Variants in ENO2 observed in about 807,000 individuals in gnomAD.
The protein encoded by ENO2 is enolase 2.
In ENO2, 19 loss-of-function variants were observed where a neutral mutation model predicts 48.7. The observed-to-expected ratio is 0.39, with a 90% CI of 0.27 to 0.57. The LOEUF (loss-of-function observed/expected upper bound fraction) is 0.57. Among genes scored for constraint, ENO2 ranks in the 20% least tolerant of loss-of-function variants. ENO2 has a pLI of 0.58. For missense variants in ENO2, 416 were observed against 555.0 expected (o/e 0.75, Z 2.52); for synonymous variants, 198 against 213.4 (o/e 0.93, Z 0.63).
intron 1 of ENO2, chr12:6,915,547 A>C: frequency 2.4e-6 from 1 of 413,876 alleles, no homozygotes. Flanking sequence ...TCCCCTCCTC[A>C]CTGCAGTGTT....
chr12:6,917,696 C>T lies in ENO2; in HGVS notation c.426C>T (p.Asp142=), dbSNP rs782318226. 184 of 1,609,562 alleles carry T rather than the reference C, an allele frequency of 1.1e-4. 2 individuals carry two copies. In the South Asian group the frequency reaches 1.9e-3, roughly 16 times the overall value. The change falls in exon 6 of 12, where the codon GAC becomes GAT. Residue 142 remains aspartate (D), a synonymous_variant. Coordinates refer to ENST00000229277, the MANE Select transcript of ENO2 (RefSeq NM_001975.3). ...RHIAQLAGNS[D]LILPVPAFNV... Reference sequence around the variant, plus strand: ...TTGCTCAGCTGGCCGGGAACTCAGACCTCATCCTGCCTGTGCCGGTGAGCA... The same window carrying T: ...TTGCTCAGCTGGCCGGGAACTCAGATCTCATCCTGCCTGTGCCGGTGAGCA...
rs1555141745 is a variant in ENO2, at chr12:6,917,665, G to A, written c.395G>A (p.Arg132His). Residue 132 changes from arginine (R) to histidine (H), a missense_variant, in exon 6 of 12, where the codon CGC (arginine) becomes CAC (histidine). Arg to His is a conservative substitution (Grantham distance 29). Transcript: ENST00000229277. ...GCTGAGCGGGAACTGCCCCTGTATC[G>A]CCACATTGCTCAGCTGGCCGGGAAC... ...GAAERELPLYRHIAQLAGNSD... is the reference protein window; with the variant it reads ...GAAERELPLYHHIAQLAGNSD... 7 of 1,517,084 alleles carry A rather than the reference G, an allele frequency of 4.6e-6. No homozygotes were observed. The highest frequency in any genetic ancestry group is 2.6e-5 in the East Asian group (1 of 38,178). The allele number at this position is 1,517,084 out of a possible 1,614,324, so 94.0% of individuals were successfully genotyped here.
At position 6,922,411 on chromosome 12, in the gene ENO2, C is replaced by T. The variant is rs201878191; in HGVS notation, c.1235+9C>T. On this transcript the variant is annotated intron_variant, in intron 11 of 11. Transcript: ENST00000229277. This position sits in a 1 kb window ranked among gnomAD's most constrained non-coding sequence, Gnocchi z 5.3. The stretch of plus-strand genomic sequence containing the variant: ...TACAACCAGCTCATGAGGTGAGGGT[C>T]CCTGGGGTGGGAGCCCCTGGCCCAG... 3.7e-5 allele frequency: 59 copies of T among 1,614,154 alleles called. 1 individual carries two copies. In the South Asian group the frequency reaches 6.4e-4, roughly 17 times the overall value.
rs782123992 is a variant in ENO2, at chr12:6,918,017, A to C, written c.522A>C (p.Gly174=). Residue 174 remains glycine, a synonymous_variant, in exon 7 of 12, where the codon GGA becomes GGC. Coordinates refer to ENST00000229277, the MANE Select transcript of ENO2 (RefSeq NM_001975.3). ...AMQEFMILPV[G]AESFRDAMRL... is the part of the protein sequence containing the mutation. ...AGGAGTTCATGATCCTCCCAGTGGGAGCTGAGAGCTTTCGGGATGCCATGC... is the reference window on the plus strand; with the variant it reads ...AGGAGTTCATGATCCTCCCAGTGGGCGCTGAGAGCTTTCGGGATGCCATGC... 3 of 1,613,952 alleles carry C rather than the reference A, an allele frequency of 1.9e-6. No homozygotes were observed. Among genetic ancestry groups the C allele is most frequent in the African/African-American group, 2.7e-5 (2 of 74,876 alleles).
intron 8 of ENO2, 174 bp from the exon 9 acceptor site, chr12:6,921,407 T>C: frequency 1.6e-6 from 1 of 608,720 alleles, no homozygotes; most frequent in Non-Finnish European, 2.8e-6. Flanking sequence ...AAAAAAAAAG[T>C]TAAGAATCAG....
In ENO2 at chr12:6,921,782, C is replaced by T. The variant is rs781871089; in HGVS notation, c.1067C>T (p.Ala356Val). ...QIGSVTEAIQ[A>V]CKLAQENGWG... ...GGCTCGGTCACTGAAGCCATCCAAGCGTGAGTGACTTCTGGCCCTCTCCTG... is the reference window on the plus strand; with the variant it reads ...GGCTCGGTCACTGAAGCCATCCAAGTGTGAGTGACTTCTGGCCCTCTCCTG... Residue 356 changes from alanine (A) to valine (V), a missense_variant and splice_region_variant, in exon 9 of 12, where the codon GCG (alanine) becomes GTG (valine). Physicochemically the swap from Ala to Val is moderately conservative, Grantham distance 64. Transcript: ENST00000229277. 9.9e-6 allele frequency: 16 copies of T among 1,613,806 alleles called. No homozygotes were observed. The highest frequency in any genetic ancestry group is 1.4e-5 in the Non-Finnish European group (16 of 1,179,944).
Position 6,922,061 on chromosome 12 carries a change from A to G in ENO2, c.1073A>G (p.Lys358Arg). 6.2e-7 allele frequency: 1 copy of G among 1,614,100 alleles called. No homozygotes were observed. Among genetic ancestry groups the G allele is most frequent in the Non-Finnish European group, 8.5e-7 (1 of 1,180,020 alleles). The part of the protein sequence containing the change: ...GSVTEAIQAC[K>R]LAQENGWGVM... The stretch of plus-strand genomic sequence containing the variant: ...AGTGCTGTGTGTGGATACAGGTGCA[A>G]GCTGGCCCAGGAGAATGGCTGGGGG... The change falls in exon 10 of 12, where the codon AAG (lysine) becomes AGG (arginine). Residue 358 changes from lysine (K) to arginine (R), a missense_variant. Coordinates refer to ENST00000229277, the MANE Select transcript of ENO2 (RefSeq NM_001975.3). The surrounding 1 kb of genome is among the most constrained non-coding windows in gnomAD (Gnocchi z 5.3).
At chr12:6,918,451 C>T (rs1464371139) in intron 7 of ENO2, among the ~76,000 whole-genome samples, 3 of 149,376 alleles carry the variant, frequency 2.0e-5, no homozygotes, top group East Asian at 2.1e-4. Flanking sequence ...CCCGGGTTCA[C>T]GCCATTCTCC....
At chr12:6,917,341 C>A in intron 5 of ENO2, 1 of 703,672 alleles carries the variant, frequency 1.4e-6, no homozygotes, top group Non-Finnish European at 2.3e-6. Flanking sequence ...CTGAGAGAGT[C>A]TGTGGTCTCA....
chr12:6,919,804 A>T, intron 8 of ENO2, 41 bp downstream of exon 8: 2 of 1,602,718 alleles, frequency 1.2e-6, no homozygotes, highest in Non-Finnish European at 1.7e-6. Flanking sequence ...GGGGGCAGGC[A>T]GGGACGTGTC....
rs1945349547 is a variant in ENO2 at position 6,922,491 on chromosome 12, T to A, written c.1235+89T>A. Reference sequence around the variant, plus strand: ...CCATCTGTAGCACCAAGGGCCTGGATAACAGTCCATTTCCTGGATAACAGT... The same window carrying A: ...CCATCTGTAGCACCAAGGGCCTGGAAAACAGTCCATTTCCTGGATAACAGT... On this transcript the variant is annotated intron_variant, in intron 11 of 11. Transcript: ENST00000229277. This position sits in a 1 kb window ranked among gnomAD's most constrained non-coding sequence, Gnocchi z 5.3. The A allele has an allele frequency of 1.3e-6, 2 of 1,522,682 alleles. No individual in the cohort carries two copies. Among genetic ancestry groups the A allele is most frequent in the Middle Eastern group, 2.0e-4 (1 of 4,958 alleles). The allele number at this position is 1,522,682 out of a possible 1,614,324, so 94.3% of individuals were successfully genotyped here.
chr12:6,917,076 G>A lies in ENO2; in HGVS notation c.279G>A (p.Leu93=). ...SVVEQEKLDN[L]MLELDGTENK... ...TGGAGCAAGAGAAACTGGACAACCT[G>A]ATGCTGGAGTTGGATGGGACTGAGA... The change falls in exon 5 of 12, where the codon CTG becomes CTA. Residue 93 remains leucine (L), a synonymous_variant. Coordinates refer to ENST00000229277, the MANE Select transcript of ENO2 (RefSeq NM_001975.3). The A allele has an allele frequency of 6.2e-7, 1 of 1,614,174 alleles. No individual in the cohort carries two copies. Among genetic ancestry groups the A allele is most frequent in the Non-Finnish European group, 8.5e-7 (1 of 1,180,030 alleles).
chr12:6,921,357 C>G, intron 8 of ENO2: 1 of 508,702 alleles, frequency 2.0e-6, no homozygotes, highest in Non-Finnish European at 3.6e-6. Flanking sequence ...TGTGCCACTG[C>G]ACTCCAGCCT....
intron 7 of ENO2, 67 bp from the exon 8 acceptor site, chr12:6,919,499 T>C (rs1358293180): frequency 6.4e-7 from 1 of 1,572,528 alleles, no homozygotes; most frequent in Non-Finnish European, 8.7e-7. Context: ...GAATGTCTTT[T>C]CTTTCCCTCC....
chr12:6,922,720 ATCTC>A lies in ENO2; in HGVS notation c.1236-6_1236-3del, dbSNP rs782235343. The A allele has an allele frequency of 1.1e-5, 17 of 1,614,126 alleles. No individual in the cohort carries two copies. The East Asian group carries it at 3.8e-4, about 36-fold the overall frequency. Reference sequence around the variant, plus strand: ...TCCCTGACCACTTCCTTTGTGGTTCATCTCTCTCAGAATTGAGGAAGAGCTGGGG... The same window carrying A: ...TCCCTGACCACTTCCTTTGTGGTTCATCTCAGAATTGAGGAAGAGCTGGGG... On this transcript the variant is annotated splice_region_variant and splice_polypyrimidine_tract_variant and intron_variant, in intron 11 of 11. Transcript: ENST00000229277. This position sits in a 1 kb window ranked among gnomAD's most constrained non-coding sequence, Gnocchi z 5.3.
rs782174483 is a variant in ENO2 at position 6,923,034 on chromosome 12, TTC to T, written c.*240_*241del. On this transcript the variant is annotated 3_prime_UTR_variant, in exon 12 of 12. Transcript: ENST00000229277. Reference sequence around the variant, plus strand: ...GCACTTTCCACTTCTTCCTTTCTCTTTCTCTCTTCCCTCAGAAACTAGAAATG... The same window carrying T: ...GCACTTTCCACTTCTTCCTTTCTCTTTCTCTTCCCTCAGAAACTAGAAATG... 7 of 511,472 alleles carry T rather than the reference TTC, an allele frequency of 1.4e-5. No individual in the cohort carries two copies. The highest frequency in any genetic ancestry group is 2.5e-5 in the Non-Finnish European group (7 of 281,412). The allele number at this position is 511,472 out of a possible 1,614,324, so 31.7% of individuals were successfully genotyped here. A position where few individuals can be genotyped will look rare whatever the true frequency, so the allele number is the denominator to read the frequency against.
Position 6,922,004 on chromosome 12 carries a change from AAG to A in ENO2, c.1068-47_1068-46del, listed in dbSNP as rs1945345447. Reference sequence around the variant, plus strand: ...GACATAGACCAAGGTTGGGGCTGGGAAGAGAGTGCCCAGTGTGAGAGCTGGAG... The same window carrying A: ...GACATAGACCAAGGTTGGGGCTGGGAAGAGTGCCCAGTGTGAGAGCTGGAG... On this transcript the variant is annotated intron_variant, in intron 9 of 11. Coordinates refer to ENST00000229277, the MANE Select transcript of ENO2 (RefSeq NM_001975.3). This position sits in a 1 kb window ranked among gnomAD's most constrained non-coding sequence, Gnocchi z 5.3. The A allele has an allele frequency of 2.5e-6, 4 of 1,607,058 alleles. No homozygotes were observed. The East Asian group carries it at 6.7e-5, about 27-fold the overall frequency.
rs782442122 is a variant in ENO2, at chr12:6,921,687, C to T, written c.972C>T (p.Asn324=). ...TGGGTGATGACCTGACAGTGACCAA[C>T]CCAAAACGTATTGAGCGGGCAGTGG... ...QIVGDDLTVT[N]PKRIERAVEE... Residue 324 remains asparagine, a synonymous_variant, in exon 9 of 12, where the codon AAC becomes AAT. Coordinates refer to ENST00000229277, the MANE Select transcript of ENO2 (RefSeq NM_001975.3). 2.5e-6 allele frequency: 4 copies of T among 1,613,978 alleles called. No homozygotes were observed. The highest frequency in any genetic ancestry group is 3.4e-6 in the Non-Finnish European group (4 of 1,180,044).
Position 6,919,571 on chromosome 12 carries a change from G to T in ENO2, c.673G>T (p.Glu225Ter). Reference protein sequence around the residue: ...PNILENSEALELVKEAIDKAG... With the variant: ...PNILENSEAL The stretch of plus-strand genomic sequence containing the variant: ...TCACTGTATTCTGTCCCCAGCCTTG[G>T]AGCTGGTGAAGGAAGCCATCGACAA... Residue 225 changes from glutamate to a stop codon, truncating the protein, a stop_gained, in exon 8 of 12, where the codon GAG becomes TAG. Transcript: ENST00000229277. LOFTEE classifies it high-confidence loss of function. 6.2e-7 allele frequency: 1 copy of T among 1,614,008 alleles called. No homozygotes were observed. Among genetic ancestry groups the T allele is most frequent in the Non-Finnish European group, 8.5e-7 (1 of 1,179,980 alleles).
Sources: gnomAD v4.1 joint callset for allele counts (sites outside exome capture counted in the v4.1 genomes callset) on GRCh38, gnomAD v4.1.1 for gene constraint, Gnocchi (gnomAD v3.1) non-coding constraint, MANE v1.5 for transcripts, NCBI Gene and HGNC (gene_info 2026-07-23, HGNC 2026-07-21) for gene names.